RNLS: variants seen among roughly 807,000 people sequenced by gnomAD.
The protein encoded by RNLS is renalase.
RNLS carries 39 observed loss-of-function variants against 39.8 expected under a neutral mutation model. The ratio of observed to expected loss-of-function variants is 0.98; its 90% confidence interval spans 0.76 to 1.28. The LOEUF (loss-of-function observed/expected upper bound fraction) is 1.28, where lower values mean the gene tolerates loss of function less well. RNLS is among the 50% of genes most tolerant of loss of function. The pLI, the probability that RNLS is intolerant of heterozygous loss-of-function variation, is 0.00. For missense variants in RNLS, 410 were observed against 413.3 expected, an observed-to-expected ratio of 0.99 and a Z score of 0.07; for synonymous variants, 147 against 150.7, an observed-to-expected ratio of 0.98 and a Z score of 0.18.
At chr10:88,437,098 G>T (rs968756921) in intron 4 of RNLS, among the ~76,000 whole-genome samples, 1 of 152,170 alleles carries the variant, frequency 6.6e-6, no homozygotes, top group African/African-American at 2.4e-5. Flanking sequence ...ATTATGCCCT[G>T]CCTGAAAAAT....
intron 4 of RNLS, among the ~76,000 whole-genome samples, chr10:88,470,270 C>G (rs1249294341): frequency 6.6e-6 from 1 of 151,666 alleles, no homozygotes; most frequent in Non-Finnish European, 1.5e-5. Flanking sequence ...ATTTTGTCAC[C>G]CAGGTAATAA....
At chr10:88,224,681 C>T in the RNLS span, among the ~76,000 whole-genome samples, 1 of 152,156 alleles carries the variant, frequency 6.6e-6, no homozygotes, top group Non-Finnish European at 1.5e-5. Context: ...AGGTTTGTAG[C>T]TCAATCCCAC....
At chr10:88,172,805 TG>T in the RNLS span, among the ~76,000 whole-genome samples, 5 of 149,506 alleles carry the variant, frequency 3.3e-5, no homozygotes, top group African/African-American at 9.8e-5. Context: ...TTTAATAGTT[TG>T]GGGTCTTACA....
chr10:88,296,687 A>G (rs1443756697), intron 6 of RNLS, among the ~76,000 whole-genome samples: 1 of 152,184 alleles, frequency 6.6e-6, no homozygotes, highest in Non-Finnish European at 1.5e-5. Context: ...AATTGAACCT[A>G]TATACAGTAA....
the RNLS span, among the ~76,000 whole-genome samples, chr10:88,253,036 C>T: frequency 1.0e-3 from 157 of 152,278 alleles, 4 homozygotes; most frequent in South Asian, 0.028. Flanking sequence ...AGCCCTTAGG[C>T]TGAAGTGAAT....
At chr10:88,488,050 G>A (rs1041979494) in intron 4 of RNLS, among the ~76,000 whole-genome samples, 9 of 152,206 alleles carry the variant, frequency 5.9e-5, no homozygotes, top group Non-Finnish European at 5.9e-5. Flanking sequence ...AGGCAGATCC[G>A]TGGTTACCTG....
intron 4 of RNLS, among the ~76,000 whole-genome samples, chr10:88,393,875 G>C (rs990301829): frequency 3.9e-5 from 6 of 152,018 alleles, no homozygotes; most frequent in African/African-American, 1.4e-4. Flanking sequence ...ACAGAGCCCT[G>C]AGAAATAATG....
chr10:88,344,867 G>A (rs945039294), intron 5 of RNLS, among the ~76,000 whole-genome samples: 2 of 151,980 alleles, frequency 1.3e-5, no homozygotes, highest in Non-Finnish European at 2.9e-5. Context: ...AATATTAATG[G>A]AATTTCAAGA....
intron 6 of RNLS, among the ~76,000 whole-genome samples, chr10:88,278,788 A>G (rs1185362546): frequency 6.6e-6 from 1 of 152,212 alleles, no homozygotes; most frequent in Non-Finnish European, 1.5e-5. Context: ...TAAAGCAAAT[A>G]TAGATACTAT....
chr10:88,179,968 A>T, the RNLS span, among the ~76,000 whole-genome samples: 1 of 152,264 alleles, frequency 6.6e-6, no homozygotes, highest in Non-Finnish European at 1.5e-5. Context: ...GGAATGCACC[A>T]TATGATTGTT....
At chr10:88,371,239 G>A (rs1020331361) in intron 4 of RNLS, among the ~76,000 whole-genome samples, 5 of 152,074 alleles carry the variant, frequency 3.3e-5, no homozygotes, top group African/African-American at 4.8e-5. Context: ...CACATAACAA[G>A]TGTATTGCAA....
chr10:88,377,668 A>G (rs1851124655), intron 4 of RNLS, among the ~76,000 whole-genome samples: 1 of 152,210 alleles, frequency 6.6e-6, no homozygotes, highest in South Asian at 2.1e-4. Context: ...CTTACCATAG[A>G]TAGAGATTGC....
At chr10:88,358,838 C>T (rs1849402440) in intron 5 of RNLS, among the ~76,000 whole-genome samples, 1 of 152,210 alleles carries the variant, frequency 6.6e-6, no homozygotes, top group African/African-American at 2.4e-5. Flanking sequence ...CTCTTCAAGA[C>T]TTAACAACTG....
At chr10:88,235,403 T>C in the RNLS span, among the ~76,000 whole-genome samples, 1 of 152,138 alleles carries the variant, frequency 6.6e-6, no homozygotes, top group Admixed American at 6.5e-5. Flanking sequence ...AGTTTTTCCT[T>C]GAGGAGTATC....
At chr10:88,474,562 CCTCTT>C (rs1564829183) in intron 4 of RNLS, among the ~76,000 whole-genome samples, 2 of 152,102 alleles carry the variant, frequency 1.3e-5, no homozygotes, top group Non-Finnish European at 2.9e-5. Context: ...TATAATAATA[CCTCTT>C]CAAGTTGGAA....
At chr10:88,495,287 C>T (rs1845101067) in intron 4 of RNLS, among the ~76,000 whole-genome samples, 1 of 152,124 alleles carries the variant, frequency 6.6e-6, no homozygotes, top group Admixed American at 6.6e-5. Context: ...AAGGTACACA[C>T]AGATGTTGAT....
At chr10:88,430,613 T>C (rs1855075485) in intron 4 of RNLS, among the ~76,000 whole-genome samples, 1 of 151,858 alleles carries the variant, frequency 6.6e-6, no homozygotes, top group Non-Finnish European at 1.5e-5. Context: ...CTACGAAGTA[T>C]GGTGTTGGTT....
chr10:88,275,154 G>T, intron 6 of RNLS: 1 of 733,098 alleles, frequency 1.4e-6, no homozygotes. Context: ...GGAATGGGGA[G>T]GGTTCTGGCT....
rs189880775 is a variant in RNLS, at chr10:88,533,542, A to C, written c.526+39361T>G. Among the ~76,000 whole-genome samples the C allele has an allele frequency of 2.0e-5, 3 of 152,158 alleles. No homozygotes were observed. The East Asian group carries it at 5.8e-4, about 29-fold the overall frequency. On this transcript the variant is annotated intron_variant, in intron 4 of 6. Transcript: ENST00000331772. ...GTCCATAAGCACTGGGGAACCCCTC[A>C]AAGTTTATTTGCACAGGAGAGCAAA... is the stretch of plus-strand genomic sequence containing the variant.
Sources: allele counts gnomAD v4.1 joint callset (sites outside exome capture counted in the v4.1 genomes callset), GRCh38; gene constraint gnomAD v4.1.1; transcripts MANE v1.5; gene names NCBI Gene and HGNC (gene_info 2026-07-23, HGNC 2026-07-21).